Variants in SLC9A7 observed in about 807,000 individuals in gnomAD.
The protein encoded by SLC9A7 is sodium/hydrogen exchanger 7.
Under a neutral mutation model 52.6 loss-of-function variants are expected in SLC9A7, and 19 were observed. The observed-to-expected ratio is 0.36, with a 90% CI of 0.25 to 0.53. SLC9A7 has a LOEUF of 0.53. SLC9A7 is among the 20% of genes least tolerant of loss of function. The pLI is 0.91. For synonymous variants in SLC9A7, 226 were observed against 252.1 expected (o/e 0.90, Z 0.98); for missense variants, 455 against 597.9 (o/e 0.76, Z 2.49).
chrX:46,720,791 G>T (rs1944848631), intron 1 of SLC9A7, among the ~76,000 whole-genome samples: 1 of 111,684 alleles, frequency 9.0e-6, no homozygotes, highest in Non-Finnish European at 1.9e-5. Flanking sequence ...GAAAAGAAGG[G>T]GACCCTAGCT....
chrX:46,635,803 C>T (rs1444867705), intron 12 of SLC9A7, among the ~76,000 whole-genome samples, 155 bp from the exon 13 acceptor site: 2 of 111,264 alleles, frequency 1.8e-5, no homozygotes, highest in Admixed American at 9.5e-5. Context: ...CTCTAAAACC[C>T]AGAGAGGCTG....
At chrX:46,719,107 A>G (rs1944818405) in intron 1 of SLC9A7, among the ~76,000 whole-genome samples, 1 of 59,222 alleles carries the variant, frequency 1.7e-5, no homozygotes, top group Non-Finnish European at 3.8e-5. Flanking sequence ...ATGGAACACT[A>G]TGCAGCCATA....
At chrX:46,641,498 CAA>C (rs1425911596) in intron 12 of SLC9A7, among the ~76,000 whole-genome samples, 2 of 112,057 alleles carry the variant, frequency 1.8e-5, no homozygotes, top group Non-Finnish European at 3.8e-5. Flanking sequence ...TCACCAAATG[CAA>C]AGATTCTCAA....
At chrX:46,738,107 GA>G (rs1569525313) in intron 1 of SLC9A7, among the ~76,000 whole-genome samples, 6 of 47,443 alleles carry the variant, frequency 1.3e-4, no homozygotes, top group Admixed American at 2.3e-4. Flanking sequence ...AAGAAAGAAA[GA>G]GAAAAGAAAA....
intron 15 of SLC9A7, among the ~76,000 whole-genome samples, chrX:46,616,906 C>T (rs141263983): frequency 0.025 from 2,828 of 111,344 alleles, 89 homozygotes; most frequent in African/African-American, 0.088. Flanking sequence ...TATGGAATGC[C>T]CCCGAACGTG....
intron 1 of SLC9A7, among the ~76,000 whole-genome samples, chrX:46,752,578 C>T (rs1204440365): frequency 9.0e-6 from 1 of 111,026 alleles, no homozygotes; most frequent in Non-Finnish European, 1.9e-5. Context: ...TTTCTCTATC[C>T]TCTGCATTTC....
intron 4 of SLC9A7, among the ~76,000 whole-genome samples, 171 bp downstream of exon 4, chrX:46,672,380 A>T (rs1295780801): frequency 8.9e-6 from 1 of 112,084 alleles, no homozygotes; most frequent in Non-Finnish European, 1.9e-5. Flanking sequence ...ATGTAAATTG[A>T]TCTTAATTTA....
intron 3 of SLC9A7, among the ~76,000 whole-genome samples, chrX:46,676,893 G>A (rs1309905064): frequency 1.8e-5 from 2 of 111,430 alleles, no homozygotes; most frequent in Non-Finnish European, 3.8e-5. Flanking sequence ...GAGTCAGACA[G>A]AGAGGGTATC....
chrX:46,748,650 T>C (rs1922010995), intron 1 of SLC9A7, among the ~76,000 whole-genome samples: 1 of 107,944 alleles, frequency 9.3e-6, no homozygotes, highest in South Asian at 4.3e-4. Flanking sequence ...CTATACAACA[T>C]GGATGAACCT....
intron 4 of SLC9A7, among the ~76,000 whole-genome samples, chrX:46,671,647 G>C (rs1944026636): frequency 9.0e-6 from 1 of 111,670 alleles, no homozygotes; most frequent in South Asian, 3.7e-4. Flanking sequence ...CTTCGACTAG[G>C]ATTTGTCTGA....
In SLC9A7 at chrX:46,682,478, T is replaced by C. The variant is rs1944225430; in HGVS notation, c.383A>G (p.Lys128Arg). The C allele has an allele frequency of 8.3e-7, 1 of 1,211,388 alleles. No individual in the cohort carries two copies. Among genetic ancestry groups the C allele is most frequent in the Non-Finnish European group, 1.1e-6 (1 of 895,360 alleles). ...GTCTTCCTGAGTGCAGCTGAGTGATTTGTCACGGCCACTGGTAGCAGGGGT... is the reference window on the plus strand; with the variant it reads ...GTCTTCCTGAGTGCAGCTGAGTGATCTGTCACGGCCACTGGTAGCAGGGGT... ...YGTPATSGRDKSLSCTQEDRA... is the reference protein window; with the variant it reads ...YGTPATSGRDRSLSCTQEDRA... Residue 128 changes from lysine (K) to arginine (R), a missense_variant, in exon 2 of 17, where the codon AAA (lysine) becomes AGA (arginine). Physicochemically the swap from Lys to Arg is conservative, Grantham distance 26 (BLOSUM62 2). Around this residue, in one of 3 missense-constraint regions of SLC9A7, gnomAD observed 304 missense variants for 417.8 expected, o/e 0.73. Transcript: ENST00000616978.
intron 1 of SLC9A7, among the ~76,000 whole-genome samples, chrX:46,753,019 A>C (rs1922351078): frequency 8.9e-6 from 1 of 112,344 alleles, no homozygotes; most frequent in African/African-American, 3.2e-5. Flanking sequence ...TAAGATACAA[A>C]CATTTTACTT....
intron 1 of SLC9A7, among the ~76,000 whole-genome samples, chrX:46,718,650 A>C (rs1761592191): frequency 8.9e-6 from 1 of 112,552 alleles, no homozygotes; most frequent in Non-Finnish European, 1.9e-5. Flanking sequence ...ATGAACAGAC[A>C]CTTCTCAAAA....
At chrX:46,638,532 A>G (rs1216094855) in intron 12 of SLC9A7, among the ~76,000 whole-genome samples, 1 of 112,359 alleles carries the variant, frequency 8.9e-6, no homozygotes, top group East Asian at 2.8e-4. Context: ...CAGAGAAGAT[A>G]TATCAAAAAT....
intron 1 of SLC9A7, among the ~76,000 whole-genome samples, chrX:46,751,607 A>T (rs967873832): frequency 9.0e-6 from 1 of 111,188 alleles, no homozygotes; most frequent in Non-Finnish European, 1.9e-5. Context: ...CAGGAGTTCG[A>T]AATCAGCCTG....
chrX:46,674,786 C>T (rs1267839808), intron 3 of SLC9A7, among the ~76,000 whole-genome samples: 2 of 111,742 alleles, frequency 1.8e-5, no homozygotes, highest in Non-Finnish European at 3.8e-5. Flanking sequence ...ACTTTTCCTC[C>T]TCAATTATAA....
chrX:46,726,690 A>T (rs1056768736), intron 1 of SLC9A7, among the ~76,000 whole-genome samples: 2 of 111,278 alleles, frequency 1.8e-5, no homozygotes, highest in Non-Finnish European at 3.8e-5. Flanking sequence ...ATTTAATACA[A>T]TATTTACTTA....
intron 2 of SLC9A7, among the ~76,000 whole-genome samples, chrX:46,680,127 G>A (rs1944187586): frequency 1.8e-5 from 2 of 110,887 alleles, no homozygotes. Flanking sequence ...GAGGCGGGTG[G>A]ATCACAAGGT....
At chrX:46,650,459 T>C (rs1367042310) in intron 10 of SLC9A7, among the ~76,000 whole-genome samples, 2 of 111,563 alleles carry the variant, frequency 1.8e-5, no homozygotes, top group Non-Finnish European at 3.8e-5. Flanking sequence ...ATTTTATCTT[T>C]TCTTCCCTTC....
Sources: gnomAD v4.1 joint callset for allele counts (sites outside exome capture counted in the v4.1 genomes callset) on GRCh38, gnomAD v4.1.1 for gene constraint, gnomAD v4.1.1 regional missense constraint, MANE v1.5 for transcripts, NCBI Gene and HGNC (gene_info 2026-07-23, HGNC 2026-07-21) for gene names.